The following MAP1B variants were observed in gnomAD, a reference collection of about 807,000 sequenced individuals.
MAP1B encodes microtubule-associated protein 1B.
In MAP1B, 12 loss-of-function variants were observed where a neutral mutation model predicts 176.1. The ratio of observed to expected loss-of-function variants is 0.07; its 90% CI spans 0.04 to 0.11. The LOEUF is 0.11. Ranked by LOEUF, MAP1B falls within the 10% of genes least tolerant of loss-of-function variation. MAP1B has a pLI of 1.00. For missense variants in MAP1B, 2,523 were observed against 2,990.5 expected (o/e 0.84, Z 3.65); for synonymous variants, 1,044 against 1,135.0 (o/e 0.92, Z 1.61).
chr5:72,137,836 A>G (rs1430545627), intron 2 of MAP1B, among the ~76,000 whole-genome samples: 1 of 152,238 alleles, frequency 6.6e-6, no homozygotes, highest in Admixed American at 6.5e-5. Context: ...TCTTGGTCAT[A>G]GGATTCATGT....
intron 2 of MAP1B, among the ~76,000 whole-genome samples, chr5:72,150,659 C>T (rs2112165526): frequency 6.6e-6 from 1 of 152,298 alleles, no homozygotes; most frequent in South Asian, 2.1e-4. Context: ...TCCCACCCTC[C>T]ACCCTCCGAT....
chr5:72,197,313 G>A lies in MAP1B; in HGVS notation c.3958G>A (p.Val1320Met), dbSNP rs761733098. The A allele has an allele frequency of 6.2e-7, 1 of 1,614,224 alleles. No homozygotes were observed. The highest frequency in any genetic ancestry group is 1.1e-5 in the South Asian group (1 of 91,084). Residue 1320 changes from valine to methionine, a missense_variant, in exon 5 of 7, where the codon GTG (valine) becomes ATG (methionine). Physicochemically the swap from Val to Met is conservative, Grantham distance 21. Around this residue, in one of 4 missense-constraint regions of MAP1B, gnomAD observed 1,925 missense variants for 2,126.0 expected, o/e 0.91. Transcript: ENST00000296755. ...TAGTCCTGAGGACAAGACTCTGGAA[G>A]TGGTGTCACCATCTCAGTCCGTGAC... ...CASPEDKTLE[V>M]VSPSQSVTGS...
chr5:72,193,342 C>CTT (rs67199223), intron 4 of MAP1B: 2,928 of 216,172 alleles, frequency 0.014, 7 homozygotes, highest in South Asian at 0.019. Context: ...TCCATCAGGC[C>CTT]TTTTTTTTTT....
chr5:72,164,867 G>T (rs1011713566), intron 2 of MAP1B, among the ~76,000 whole-genome samples: 1 of 152,070 alleles, frequency 6.6e-6, no homozygotes, highest in African/African-American at 2.4e-5. Flanking sequence ...TTGTTAGGGG[G>T]TTTTATCTCT....
intron 2 of MAP1B, among the ~76,000 whole-genome samples, chr5:72,153,187 C>G (rs1746174146): frequency 6.6e-6 from 1 of 152,102 alleles, no homozygotes; most frequent in African/African-American, 2.4e-5. Context: ...TTGTTTCCTT[C>G]CCATTAAAAA....
chr5:72,142,842 C>T (rs1044660564), intron 2 of MAP1B, among the ~76,000 whole-genome samples: 7 of 152,012 alleles, frequency 4.6e-5, no homozygotes, highest in Non-Finnish European at 7.4e-5. Flanking sequence ...TAAACATTTT[C>T]GACTGTGTTT....
At chr5:72,153,485 T>A (rs1448298180) in intron 2 of MAP1B, among the ~76,000 whole-genome samples, 2 of 151,936 alleles carry the variant, frequency 1.3e-5, no homozygotes. Context: ...ATAGTCTTAC[T>A]CAAAGTTAAT....
Position 72,196,088 on chromosome 5 carries a change from G to A in MAP1B, c.2733G>A (p.Glu911=). The change falls in exon 5 of 7, where the codon GAG becomes GAA. Residue 911 remains glutamate, a synonymous_variant. Transcript: ENST00000296755. The surrounding 1 kb of genome is among the most constrained non-coding windows in gnomAD (Gnocchi z 5.3). ...GCGAATGTGAACAGACACCTGAGGA[G>A]CTGGAGCCCGTCGAGAAGCAGGGAG... The part of the protein sequence containing the change: ...GEGECEQTPE[E]LEPVEKQGVD... The A allele has an allele frequency of 1.9e-6, 3 of 1,614,192 alleles. No homozygotes were observed. Among genetic ancestry groups the A allele is most frequent in the Non-Finnish European group, 2.5e-6 (3 of 1,180,032 alleles).
chr5:72,146,829 G>A (rs896164785), intron 2 of MAP1B, among the ~76,000 whole-genome samples: 2 of 152,176 alleles, frequency 1.3e-5, no homozygotes, highest in African/African-American at 4.8e-5. Context: ...GGAAGTATGT[G>A]CTTTTGACAC....
chr5:72,190,175 T>G (rs1746996681), intron 4 of MAP1B, among the ~76,000 whole-genome samples: 1 of 152,184 alleles, frequency 6.6e-6, no homozygotes. Flanking sequence ...AGTCTAAAAG[T>G]GACTTTTGAC....
rs1255928269 is a variant in MAP1B at position 72,205,863 on chromosome 5, A to C, written c.*624A>C. Reference sequence around the variant, plus strand: ...TAATTTTCTAAAACAAGTTGGCTAGAAGAAAGTAAAAAGAACAACACTTGT... The same window carrying C: ...TAATTTTCTAAAACAAGTTGGCTAGCAGAAAGTAAAAAGAACAACACTTGT... On this transcript the variant is annotated 3_prime_UTR_variant, in exon 7 of 7. Coordinates refer to ENST00000296755, the MANE Select transcript of MAP1B (RefSeq NM_005909.5). The C allele has an allele frequency of 6.6e-6, 1 of 152,444 alleles. No homozygotes were observed. Among genetic ancestry groups the C allele is most frequent in the Non-Finnish European group, 1.5e-5 (1 of 68,116 alleles). 9.4% of individuals were successfully genotyped at this position (152,444 alleles called of 1,614,324 possible). A position where few individuals can be genotyped will look rare whatever the true frequency, so the allele number is the denominator to read the frequency against.
chr5:72,159,841 G>A (rs1243043885), intron 2 of MAP1B, among the ~76,000 whole-genome samples: 1 of 152,190 alleles, frequency 6.6e-6, no homozygotes. Context: ...TGACAGAATA[G>A]TGTGAGATCC....
chr5:72,144,786 G>C (rs1204968185), intron 2 of MAP1B, among the ~76,000 whole-genome samples: 1 of 152,200 alleles, frequency 6.6e-6, no homozygotes. Context: ...GTTTTTTAGA[G>C]TGTTGGGGAG....
intron 2 of MAP1B, among the ~76,000 whole-genome samples, chr5:72,144,328 G>A (rs62363197): frequency 0.063 from 9,529 of 152,264 alleles, 340 homozygotes; most frequent in Non-Finnish European, 0.071. Context: ...AGCTGTAAGT[G>A]CTTTGACTTA....
chr5:72,171,488 G>T lies in MAP1B; in HGVS notation c.287-12255G>T, dbSNP rs561044389. ...CCTGTAGTGTTAGCTACTTGGGGAT[G>T]CTGAGTTGGGAGGATCACTTGAGCC... On this transcript the variant is annotated intron_variant, in intron 2 of 6. Coordinates refer to ENST00000296755, the MANE Select transcript of MAP1B (RefSeq NM_005909.5). 2.6e-5 allele frequency among the ~76,000 whole-genome samples: 4 copies of T among 152,250 alleles called. No individual in the cohort carries two copies. The East Asian group carries it at 7.7e-4, about 29-fold the overall frequency.
chr5:72,185,113 A>G (rs1199838157), intron 3 of MAP1B, among the ~76,000 whole-genome samples: 2 of 152,170 alleles, frequency 1.3e-5, no homozygotes, highest in South Asian at 2.1e-4. Context: ...AGGTTCATCC[A>G]TGTCGTAGCA....
chr5:72,182,597 T>A (rs944001664), intron 2 of MAP1B, among the ~76,000 whole-genome samples: 7 of 152,160 alleles, frequency 4.6e-5, no homozygotes, highest in African/African-American at 1.7e-4. Flanking sequence ...GCTTGCTGGG[T>A]CATACAGTAA....
At chr5:72,116,151 A>C (rs1745434485) in intron 2 of MAP1B, 9 of 320,368 alleles carry the variant, frequency 2.8e-5, no homozygotes, top group Non-Finnish European at 5.4e-5. Flanking sequence ...GTGTATGTGT[A>C]TCTCACTGTA....
At chr5:72,117,938 G>T (rs1745462826) in intron 2 of MAP1B, among the ~76,000 whole-genome samples, 1 of 152,224 alleles carries the variant, frequency 6.6e-6, no homozygotes, top group African/African-American at 2.4e-5. Context: ...TTCAGTTTCA[G>T]ATAAGTGTGT....
Sources: allele counts gnomAD v4.1 joint callset (sites outside exome capture counted in the v4.1 genomes callset), GRCh38; gene constraint gnomAD v4.1.1; regional missense constraint gnomAD v4.1.1; non-coding constraint Gnocchi (gnomAD v3.1); transcripts MANE v1.5; gene names NCBI Gene and HGNC (gene_info 2026-07-23, HGNC 2026-07-21).